SLC30A9: variants seen among roughly 807,000 people sequenced by gnomAD.
The protein encoded by SLC30A9 is solute carrier family 30 member 9.
Under a neutral mutation model 87.5 loss-of-function variants are expected in SLC30A9, and 58 were observed. The ratio of observed to expected loss-of-function variants is 0.66; its 90% CI spans 0.54 to 0.82. SLC30A9 has a LOEUF of 0.82. Ranked by LOEUF, SLC30A9 falls within the 40% of genes least tolerant of loss-of-function variation. The pLI is 0.00. For missense variants in SLC30A9, 557 were observed against 679.1 expected, an observed-to-expected ratio of 0.82 and a Z score of 2.00; for synonymous variants, 234 against 233.0, an observed-to-expected ratio of 1.00 and a Z score of -0.04.
At chr4:42,020,164 A>G (rs956981254) in intron 3 of SLC30A9, among the ~76,000 whole-genome samples, 1 of 152,220 alleles carries the variant, frequency 6.6e-6, no homozygotes, top group African/African-American at 2.4e-5. Flanking sequence ...TACCTGTTCA[A>G]GGTGTTCATT....
chr4:42,062,959 C>A (rs763881308), intron 10 of SLC30A9, 27 bp from the exon 11 acceptor site: 11 of 1,596,346 alleles, frequency 6.9e-6, no homozygotes, highest in Non-Finnish European at 9.4e-6. Context: ...GTATTTCTTG[C>A]GAACTATATT....
At chr4:42,020,701 C>T (rs915264563) in intron 4 of SLC30A9, 186 bp downstream of exon 4, 2 of 457,890 alleles carry the variant, frequency 4.4e-6, no homozygotes, top group Non-Finnish European at 7.6e-6. Context: ...CTGAATCCTG[C>T]CCCAGCATTA....
intron 7 of SLC30A9, among the ~76,000 whole-genome samples, chr4:42,038,150 T>G (rs1231916578): frequency 6.6e-6 from 1 of 152,174 alleles, no homozygotes; most frequent in African/African-American, 2.4e-5. Flanking sequence ...TGATCTCTTG[T>G]TTTTCTAGAT....
At chr4:41,992,921 T>A (rs1157992551) in intron 1 of SLC30A9, among the ~76,000 whole-genome samples, 1 of 152,098 alleles carries the variant, frequency 6.6e-6, no homozygotes, top group Non-Finnish European at 1.5e-5. Context: ...AAGTAAGGTT[T>A]AGTTTATGCT....
intron 17 of SLC30A9, among the ~76,000 whole-genome samples, chr4:42,083,091 A>AGC (rs1237798077): frequency 3.3e-5 from 5 of 152,210 alleles, no homozygotes; most frequent in Non-Finnish European, 7.3e-5. Context: ...TATGATGATT[A>AGC]ATGGAAATTA....
At chr4:41,992,690 A>T (rs73810453) in intron 1 of SLC30A9, among the ~76,000 whole-genome samples, 7,345 of 152,174 alleles carry the variant, frequency 0.048, 253 homozygotes, top group African/African-American at 0.078. Flanking sequence ...AAAAATTAAA[A>T]TTTTTTTTAC....
intron 7 of SLC30A9, among the ~76,000 whole-genome samples, chr4:42,038,255 G>A (rs978713560): frequency 2.0e-5 from 3 of 151,962 alleles, no homozygotes; most frequent in African/African-American, 7.2e-5. Context: ...TTATTAGAGT[G>A]GTTTGGGCCG....
intron 14 of SLC30A9, among the ~76,000 whole-genome samples, chr4:42,067,880 A>G (rs1027827172): frequency 6.6e-6 from 1 of 152,156 alleles, no homozygotes; most frequent in African/African-American, 2.4e-5. Context: ...CTGTGTCCTG[A>G]ACTGCTAGGA....
intron 16 of SLC30A9, among the ~76,000 whole-genome samples, chr4:42,076,974 A>AAAAG (rs71200205): frequency 0.25 from 35,418 of 140,654 alleles, 6,996 homozygotes; most frequent in African/African-American, 0.53. Flanking sequence ...AAAAAAAAAA[A>AAAAG]AAAGAAAGAA....
At chr4:42,072,680 A>T (rs1718358534) in intron 15 of SLC30A9, among the ~76,000 whole-genome samples, 2 of 152,130 alleles carry the variant, frequency 1.3e-5, no homozygotes, top group Non-Finnish European at 2.9e-5. Flanking sequence ...AGTCTTGGAT[A>T]ATATTCATGT....
intron 2 of SLC30A9, among the ~76,000 whole-genome samples, chr4:42,013,276 C>G (rs999683749): frequency 1.3e-5 from 2 of 151,996 alleles, no homozygotes; most frequent in Non-Finnish European, 2.9e-5. Flanking sequence ...AAGATCCTGA[C>G]TCCTAAAAAA....
intron 17 of SLC30A9, among the ~76,000 whole-genome samples, chr4:42,085,635 CAG>C (rs1423477958): frequency 6.6e-6 from 1 of 152,162 alleles, no homozygotes; most frequent in Non-Finnish European, 1.5e-5. Context: ...GGGTCAGGAA[CAG>C]AGTCTTATTT....
intron 17 of SLC30A9, among the ~76,000 whole-genome samples, chr4:42,085,049 C>G (rs1718874411): frequency 6.6e-6 from 1 of 152,180 alleles, no homozygotes; most frequent in Non-Finnish European, 1.5e-5. Context: ...TGATTTCTGC[C>G]TGTCTTTCCA....
intron 9 of SLC30A9, among the ~76,000 whole-genome samples, chr4:42,059,815 T>G (rs1381301720): frequency 2.0e-5 from 3 of 152,214 alleles, no homozygotes; most frequent in African/African-American, 7.2e-5. Flanking sequence ...ACTTGCTTTT[T>G]TCTCTTCTTC....
intron 9 of SLC30A9, among the ~76,000 whole-genome samples, chr4:42,059,256 G>A (rs1409924432): frequency 6.6e-6 from 1 of 152,016 alleles, no homozygotes. Context: ...AATTACATAG[G>A]GAATTCACTC....
chr4:42,002,698 C>G (rs1221319778), intron 2 of SLC30A9, among the ~76,000 whole-genome samples: 1 of 152,072 alleles, frequency 6.6e-6, no homozygotes, highest in Non-Finnish European at 1.5e-5. Context: ...TAGGTTGATT[C>G]TAAGTCTTTG....
chr4:42,045,302 C>T (rs922295095), intron 8 of SLC30A9, among the ~76,000 whole-genome samples: 1 of 151,786 alleles, frequency 6.6e-6, no homozygotes, highest in African/African-American at 2.4e-5. Flanking sequence ...TCACAAAATA[C>T]ATAGACCACT....
chr4:42,003,518 A>G (rs957695199), intron 2 of SLC30A9, among the ~76,000 whole-genome samples: 2 of 152,074 alleles, frequency 1.3e-5, no homozygotes, highest in African/African-American at 4.8e-5. Flanking sequence ...CCTAACACTG[A>G]TGAATTATTC....
At chr4:42,070,720 G>T in intron 15 of SLC30A9, 29 bp downstream of exon 15, 1 of 1,569,178 alleles carries the variant, frequency 6.4e-7, no homozygotes, top group Non-Finnish European at 8.7e-7. Flanking sequence ...ATCCTGTTAA[G>T]GCTTACAAAA....
Sources: allele counts gnomAD v4.1 joint callset (sites outside exome capture counted in the v4.1 genomes callset), GRCh38; gene constraint gnomAD v4.1.1; transcripts MANE v1.5; gene names NCBI Gene and HGNC (gene_info 2026-07-23, HGNC 2026-07-21).